Variants in USP8 observed in about 807,000 individuals in gnomAD.
USP8 encodes the protein ubiquitin specific peptidase 8.
Under a neutral mutation model 130.0 loss-of-function variants are expected in USP8, and 27 were observed. The observed-to-expected ratio is 0.21, with a 90% CI of 0.15 to 0.29. The LOEUF (loss-of-function observed/expected upper bound fraction) is 0.29. Ranked by LOEUF, USP8 falls within the 10% of genes least tolerant of loss-of-function variation. USP8 has a pLI of 1.00. For missense variants in USP8, 1,029 were observed against 1,312.2 expected, an observed-to-expected ratio of 0.78 and a Z score of 3.33; for synonymous variants, 392 against 444.1, an observed-to-expected ratio of 0.88 and a Z score of 1.48.
intron 5 of USP8, among the ~76,000 whole-genome samples, chr15:50,459,996 C>CCCCCCCCCTTT (rs567135111): frequency 1.1e-5 from 1 of 91,986 alleles, no homozygotes; most frequent in Non-Finnish European, 2.1e-5. Context: ...CACCCCCCCC[C>CCCCCCCCCTTT]TTTTTTTTTT....
chr15:50,450,705 C>T (rs1051486557), intron 4 of USP8, among the ~76,000 whole-genome samples: 12 of 151,658 alleles, frequency 7.9e-5, no homozygotes, highest in African/African-American at 2.4e-4. Context: ...TCCTGACCTC[C>T]GATGATCTGC....
intron 12 of USP8, 101 bp from the exon 13 acceptor site, chr15:50,489,700 C>T: frequency 1.3e-6 from 1 of 743,050 alleles, no homozygotes; most frequent in East Asian, 3.8e-5. Flanking sequence ...TTTTTTGATT[C>T]TTTGGTACAA....
At chr15:50,440,333 A>C (rs2050216304) in intron 2 of USP8, among the ~76,000 whole-genome samples, 1 of 152,194 alleles carries the variant, frequency 6.6e-6, no homozygotes, top group South Asian at 2.1e-4. Flanking sequence ...GAAGTGGTAT[A>C]TGTAAGTTGG....
chr15:50,429,446 AT>A (rs1349675312), intron 1 of USP8, among the ~76,000 whole-genome samples: 1 of 151,788 alleles, frequency 6.6e-6, no homozygotes, highest in East Asian at 1.9e-4. Context: ...CCTTCATATT[AT>A]TTTGTTGCTC....
At chr15:50,430,895 A>G (rs1220679151) in intron 1 of USP8, among the ~76,000 whole-genome samples, 5 of 152,152 alleles carry the variant, frequency 3.3e-5, no homozygotes, top group African/African-American at 7.2e-5. Flanking sequence ...ACATTCGGCA[A>G]TGACTGTAGA....
chr15:50,466,800 G>T, intron 7 of USP8: 1 of 260,072 alleles, frequency 3.8e-6, no homozygotes, highest in South Asian at 4.5e-5. Flanking sequence ...CACTGAATTC[G>T]AATCACTCTC....
intron 18 of USP8, chr15:50,497,770 A>G (rs1595995478): frequency 6.6e-6 from 1 of 152,214 alleles, no homozygotes; most frequent in Non-Finnish European, 1.5e-5. Flanking sequence ...TGGTCTTCAC[A>G]TAATCACATA....
intron 7 of USP8, among the ~76,000 whole-genome samples, chr15:50,466,402 C>CTCCT (rs1595943683): frequency 6.6e-6 from 1 of 152,062 alleles, no homozygotes; most frequent in East Asian, 1.9e-4. Context: ...AGTTCCAGAC[C>CTCCT]AGCCTGGCCA....
intron 1 of USP8, among the ~76,000 whole-genome samples, chr15:50,437,385 A>G (rs1160936666): frequency 6.6e-6 from 1 of 152,162 alleles, no homozygotes; most frequent in Non-Finnish European, 1.5e-5. Context: ...TCTTTAAGCA[A>G]TATATTGTTC....
chr15:50,485,140 T>C (rs898653746), intron 12 of USP8, among the ~76,000 whole-genome samples: 4 of 152,158 alleles, frequency 2.6e-5, no homozygotes, highest in African/African-American at 9.7e-5. Flanking sequence ...GTGTATTTCA[T>C]CACAATTTTT....
chr15:50,435,136 G>A (rs1161035262), intron 1 of USP8, among the ~76,000 whole-genome samples: 1 of 152,042 alleles, frequency 6.6e-6, no homozygotes, highest in Non-Finnish European at 1.5e-5. Flanking sequence ...TTTTATGTCA[G>A]TCTATTTTCA....
Position 50,500,401 on chromosome 15 carries a change from A to G in USP8, c.*1313A>G, listed in dbSNP as rs1013063530. Reference sequence around the variant, plus strand: ...CTGAATTTTGAAACCTGAACTCACTATATAATTGCAGTGTTTTGAAGGCCT... The same window carrying G: ...CTGAATTTTGAAACCTGAACTCACTGTATAATTGCAGTGTTTTGAAGGCCT... On this transcript the variant is annotated 3_prime_UTR_variant, in exon 20 of 20. Transcript: ENST00000307179. The G allele has an allele frequency of 5.9e-6, 1 of 170,534 alleles. No homozygotes were observed. The highest frequency in any genetic ancestry group is 2.4e-5 in the African/African-American group (1 of 42,346). The allele number at this position is 170,534 out of a possible 1,614,324, so 10.6% of individuals were successfully genotyped here. A position where few individuals can be genotyped will look rare whatever the true frequency, so the allele number is the denominator to read the frequency against.
At chr15:50,431,572 G>A (rs2049932993) in intron 1 of USP8, among the ~76,000 whole-genome samples, 1 of 152,140 alleles carries the variant, frequency 6.6e-6, no homozygotes, top group Non-Finnish European at 1.5e-5. Context: ...GGACTATTGA[G>A]ATAGGTGCCA....
chr15:50,456,957 T>C (rs964771197), intron 4 of USP8, among the ~76,000 whole-genome samples: 13 of 152,234 alleles, frequency 8.5e-5, no homozygotes, highest in Admixed American at 7.9e-4. Flanking sequence ...GTTTTCCTTA[T>C]ATTTCTTCCA....
Position 50,474,986 on chromosome 15 carries a change from G to A in USP8, c.850-1863G>A, listed in dbSNP as rs539758343. On this transcript the variant is annotated intron_variant, in intron 8 of 19. Coordinates refer to ENST00000307179, the MANE Select transcript of USP8 (RefSeq NM_005154.5). ...TTGCCGGGCATGATGGCGGGCGCCT[G>A]TGATCCCAGGTACTGAGGAGGCTGA... Among the ~76,000 whole-genome samples the A allele has an allele frequency of 5.3e-5, 8 of 152,284 alleles. No homozygotes were observed. In the East Asian group the frequency reaches 1.5e-3, roughly 29 times the overall value.
rs2052737409 is a variant in USP8, at chr15:50,511,349, T to G, written c.*12261T>G. The stretch of plus-strand genomic sequence containing the variant: ...TGGGAACGTAAAATGCTGCTGCCAC[T>G]TTGGAAAACAATTTGGCAGTTCCTC... On this transcript the variant is annotated 3_prime_UTR_variant, in exon 20 of 20. Coordinates refer to ENST00000307179, the MANE Select transcript of USP8 (RefSeq NM_005154.5). 1 of 152,152 alleles carries G rather than the reference T, an allele frequency of 6.6e-6. No individual in the cohort carries two copies. The highest frequency in any genetic ancestry group is 2.4e-5 in the African/African-American group (1 of 41,430). 9.4% of individuals were successfully genotyped at this position (152,152 alleles called of 1,614,324 possible). A position where few individuals can be genotyped will look rare whatever the true frequency, so the allele number is the denominator to read the frequency against.
At chr15:50,465,286 A>T in intron 7 of USP8, 95 bp downstream of exon 7, 9 of 1,326,108 alleles carry the variant, frequency 6.8e-6, no homozygotes, top group Non-Finnish European at 9.0e-6. Flanking sequence ...GCTAAATGTG[A>T]TAAAGTAGTC....
intron 15 of USP8, 172 bp downstream of exon 15, chr15:50,493,085 A>G (rs530018572): frequency 1.2e-5 from 9 of 742,788 alleles, no homozygotes; most frequent in Admixed American, 1.0e-4. Flanking sequence ...GCCATCGTCT[A>G]GGTGCCGGCA....
rs1023721860 is a variant in USP8, at chr15:50,502,099, T to G, written c.*3011T>G. ...TCTGCTGTAGAGGAAGAAAATTGATTATTTGTTAACTTATTTTTAATTTTT... is the reference window on the plus strand; with the variant it reads ...TCTGCTGTAGAGGAAGAAAATTGATGATTTGTTAACTTATTTTTAATTTTT... On this transcript the variant is annotated 3_prime_UTR_variant, in exon 20 of 20. Coordinates refer to ENST00000307179, the MANE Select transcript of USP8 (RefSeq NM_005154.5). The G allele has an allele frequency of 1.3e-5, 2 of 152,152 alleles. No individual in the cohort carries two copies. The highest frequency in any genetic ancestry group is 2.9e-5 in the Non-Finnish European group (2 of 68,024). The allele number at this position is 152,152 out of a possible 1,614,324, so 9.4% of individuals were successfully genotyped here. A position where few individuals can be genotyped will look rare whatever the true frequency, so the allele number is the denominator to read the frequency against.
Sources: allele counts gnomAD v4.1 joint callset (sites outside exome capture counted in the v4.1 genomes callset), GRCh38; gene constraint gnomAD v4.1.1; transcripts MANE v1.5; gene names NCBI Gene and HGNC (gene_info 2026-07-23, HGNC 2026-07-21).